Variants in IL12RB2 observed in about 807,000 individuals in gnomAD.
IL12RB2 encodes interleukin 12 receptor subunit beta 2.
Under a neutral mutation model 89.4 loss-of-function variants are expected in IL12RB2, and 82 were observed. The ratio of observed to expected loss-of-function variants is 0.92; its 90% CI spans 0.77 to 1.10. The LOEUF (loss-of-function observed/expected upper bound fraction) is 1.10. Among genes scored for constraint, IL12RB2 ranks in the 50% least tolerant of loss-of-function variants. The pLI is 0.00. For synonymous variants in IL12RB2, 368 were observed against 370.1 expected, an observed-to-expected ratio of 0.99 and a Z score of 0.07; for missense variants, 963 against 1,031.9, an observed-to-expected ratio of 0.93 and a Z score of 0.92.
At chr1:67,357,884 A>G (rs116709068) in intron 10 of IL12RB2, among the ~76,000 whole-genome samples, 33 of 152,324 alleles carry the variant, frequency 2.2e-4, no homozygotes, top group African/African-American at 7.7e-4. Context: ...TAAAACACTG[A>G]AAGAGCAGAA....
intron 4 of IL12RB2, among the ~76,000 whole-genome samples, chr1:67,325,542 G>A (rs1048636680): frequency 1.4e-4 from 22 of 152,204 alleles, no homozygotes; most frequent in African/African-American, 3.4e-4. Context: ...GATTACAGGC[G>A]TGAGCCACCG....
chr1:67,384,576 T>C (rs28752169), intron 14 of IL12RB2, among the ~76,000 whole-genome samples: 5,357 of 152,354 alleles, frequency 0.035, 322 homozygotes, highest in African/African-American at 0.12. Flanking sequence ...TATGCAAATT[T>C]CTGCAGCCAG....
chr1:67,374,380 C>G (rs12043031), intron 13 of IL12RB2, among the ~76,000 whole-genome samples: 1 of 152,094 alleles, frequency 6.6e-6, no homozygotes. Flanking sequence ...CTTCAGCCAT[C>G]TGGAATTCCT....
chr1:67,333,801 C>T (rs553027366), intron 8 of IL12RB2, among the ~76,000 whole-genome samples: 185 of 152,280 alleles, frequency 1.2e-3, no homozygotes, highest in African/African-American at 4.2e-3. Context: ...TGCCTGAGAA[C>T]ATGCACAGGT....
At chr1:67,367,750 T>C (rs2100983595) in intron 10 of IL12RB2, 75 bp from the exon 11 acceptor site, 1 of 867,814 alleles carries the variant, frequency 1.2e-6, no homozygotes, top group African/African-American at 1.7e-5. Context: ...GATAAGCTGT[T>C]TGGCTTTTTT....
rs1306940129 is a variant in IL12RB2 at position 67,351,012 on chromosome 1, C to T, written c.1181C>T (p.Ala394Val). The T allele has an allele frequency of 6.2e-7, 1 of 1,614,064 alleles. No homozygotes were observed. ...GTCATTCCTAGAACCGGAAATTGGG[C>T]TGTGGCTGTGTCTGCAGCAAATTCA... is the stretch of plus-strand genomic sequence containing the variant. ...TTVIPRTGNW[A>V]VAVSAANSKG... The change falls in exon 10 of 17, where the codon GCT (alanine) becomes GTT (valine). Residue 394 changes from alanine to valine, a missense_variant. Ala to Val is a moderately conservative substitution (Grantham distance 64). Coordinates refer to ENST00000674203, the MANE Select transcript of IL12RB2 (RefSeq NM_001374259.2).
In IL12RB2 at chr1:67,395,764, C is replaced by T. The variant is rs1476341946; in HGVS notation, c.2264C>T (p.Ala755Val). 2 of 1,613,938 alleles carry T rather than the reference C, an allele frequency of 1.2e-6. No individual in the cohort carries two copies. Among genetic ancestry groups the T allele is most frequent in the Non-Finnish European group, 1.7e-6 (2 of 1,179,768 alleles). Residue 755 changes from alanine (A) to valine (V), a missense_variant, in exon 17 of 17, where the codon GCT becomes GTT. By Grantham distance (64) the Ala-to-Val change is moderately conservative. Transcript: ENST00000674203. ...GCCTCAAGCCCACCACCTCCAAGAG[C>T]TCTCCAAGCTGAGAGCAGACAACTG... is the stretch of plus-strand genomic sequence containing the variant. ...HSASSPPPPR[A>V]LQAESRQLVD...
chr1:67,367,971 G>A lies in IL12RB2; in HGVS notation c.1405G>A (p.Val469Ile). The part of the protein sequence containing the change: ...RELHPGGDTQ[V>I]PLNWLRSRPY... ...GCTCCATCCAGGGGGTGACACACAG[G>A]TCCCTCTAAACTGGCTACGGAGTCG... Residue 469 changes from valine to isoleucine, a missense_variant, in exon 11 of 17, where the codon GTC becomes ATC. By Grantham distance (29) the Val-to-Ile change is conservative. Transcript: ENST00000674203. The A allele has an allele frequency of 6.2e-7, 1 of 1,611,328 alleles. No individual in the cohort carries two copies. The highest frequency in any genetic ancestry group is 8.5e-7 in the Non-Finnish European group (1 of 1,177,500).
intron 16 of IL12RB2, among the ~76,000 whole-genome samples, chr1:67,391,392 C>CAT (rs1393856090): frequency 1.4e-5 from 2 of 144,510 alleles, no homozygotes; most frequent in Non-Finnish European, 3.0e-5. Flanking sequence ...TGTCTATACA[C>CAT]ACACACACAC....
At chr1:67,387,603 C>T (rs907304718) in intron 15 of IL12RB2, among the ~76,000 whole-genome samples, 1 of 147,438 alleles carries the variant, frequency 6.8e-6, no homozygotes, top group East Asian at 2.0e-4. Context: ...ACTCAGGAGG[C>T]TAAGGCAGGA....
chr1:67,333,203 C>CT (rs1258891366), intron 8 of IL12RB2, among the ~76,000 whole-genome samples: 1 of 152,038 alleles, frequency 6.6e-6, no homozygotes, highest in Non-Finnish European at 1.5e-5. Flanking sequence ...TGTTGTAGGT[C>CT]TTTTTTCTCT....
rs111533877 is a variant in IL12RB2 at position 67,356,703 on chromosome 1, G to C, written c.1258+5614G>C. ...CTCCTCTCTACCCTAAACATACATG[G>C]AGGACCATGAGCTATAGCTGTACTT... On this transcript the variant is annotated intron_variant, in intron 10 of 16. Coordinates refer to ENST00000674203, the MANE Select transcript of IL12RB2 (RefSeq NM_001374259.2). Among the ~76,000 whole-genome samples, 1,169 of 152,192 alleles carry C rather than the reference G, an allele frequency of 7.7e-3. 4 individuals are homozygous for C. The highest frequency in any genetic ancestry group is 0.013 in the Non-Finnish European group (908 of 68,016).
At position 67,390,082 on chromosome 1, in the gene IL12RB2, C is replaced by A; in HGVS notation, c.2000C>A (p.Pro667Gln). The A allele has an allele frequency of 7.1e-7, 1 of 1,398,878 alleles. No homozygotes were observed. Among genetic ancestry groups the A allele is most frequent in the South Asian group, 1.2e-5 (1 of 86,726 alleles). The allele number at this position is 1,398,878 out of a possible 1,614,324, so 86.7% of individuals were successfully genotyped here. Reference protein sequence around the residue: ...LRPQWCSREIPDPANSTCAKK... With the variant: ...LRPQWCSREIQDPANSTCAKK... The stretch of plus-strand genomic sequence containing the variant: ...CCTCAGTGGTGTAGCAGAGAAATTC[C>A]AGATCCAGCAAATAGCACTTGCGCT... The change falls in exon 16 of 17, where the codon CCA (proline) becomes CAA (glutamine). Residue 667 changes from proline to glutamine, a missense_variant. Pro to Gln is a moderately conservative substitution (Grantham distance 76, BLOSUM62 -1). Coordinates refer to ENST00000674203, the MANE Select transcript of IL12RB2 (RefSeq NM_001374259.2).
intron 10 of IL12RB2, among the ~76,000 whole-genome samples, chr1:67,361,945 C>A (rs1395567030): frequency 6.6e-6 from 1 of 152,104 alleles, no homozygotes; most frequent in East Asian, 1.9e-4. Context: ...CTTTATAAGA[C>A]CAAATATAAG....
rs551951928 is a variant in IL12RB2, at chr1:67,382,762, G to A, written c.1855+2639G>A. 6.3e-5 allele frequency among the ~76,000 whole-genome samples: 9 copies of A among 143,344 alleles called. No individual in the cohort carries two copies. In the East Asian group the frequency reaches 1.4e-3, roughly 23 times the overall value. The allele number at this position is 143,344 out of a possible 152,430, so 94.0% of individuals were successfully genotyped here. A position where few individuals can be genotyped will look rare whatever the true frequency, so the allele number is the denominator to read the frequency against. ...ACTCTATTGTCCAGGCTGGAGTATA[G>A]TGGCATGATCATAGCTCACTGCAGC... On this transcript the variant is annotated intron_variant, in intron 14 of 16. Transcript: ENST00000674203.
At chr1:67,384,631 C>G (rs1664947680) in intron 14 of IL12RB2, among the ~76,000 whole-genome samples, 1 of 152,220 alleles carries the variant, frequency 6.6e-6, no homozygotes, top group South Asian at 2.1e-4. Context: ...TCTATTGAAT[C>G]ATCAGGCTGC....
rs1313012935 is a variant in IL12RB2 at position 67,398,381 on chromosome 1, C to T, written c.*2292C>T. On this transcript the variant is annotated 3_prime_UTR_variant, in exon 17 of 17. Transcript: ENST00000674203. ...GATTATCTCTCATCCATCTCAGCCA[C>T]TATTCTCCTCCCCTCCCTTGTGTCT... Among the ~76,000 whole-genome samples, 1 of 152,048 alleles carries T rather than the reference C, an allele frequency of 6.6e-6. No individual in the cohort carries two copies. The highest frequency in any genetic ancestry group is 1.5e-5 in the Non-Finnish European group (1 of 68,026).
At chr1:67,343,188 A>G (rs1659844191) in intron 9 of IL12RB2, among the ~76,000 whole-genome samples, 1 of 141,260 alleles carries the variant, frequency 7.1e-6, no homozygotes, top group Admixed American at 7.3e-5. Context: ...CCTGTGCTCA[A>G]GTGATCCTCC....
chr1:67,315,208 CAT>C, intron 2 of IL12RB2, among the ~76,000 whole-genome samples: 1 of 151,980 alleles, frequency 6.6e-6, no homozygotes, highest in East Asian at 1.9e-4. Flanking sequence ...ATAATATACA[CAT>C]ATATTTTAAC....
Sources: gnomAD v4.1 joint callset for allele counts (sites outside exome capture counted in the v4.1 genomes callset) on GRCh38, gnomAD v4.1.1 for gene constraint, MANE v1.5 for transcripts, NCBI Gene and HGNC (gene_info 2026-07-23, HGNC 2026-07-21) for gene names.